The following CSPP1 variants were observed in gnomAD, a reference collection of about 807,000 sequenced individuals.
CSPP1 encodes centrosome and spindle pole-associated protein 1.
In CSPP1, 126 loss-of-function variants were observed where a neutral mutation model predicts 164.4. The observed-to-expected ratio is 0.77, with a 90% CI of 0.66 to 0.89. CSPP1 has a LOEUF of 0.89. Among genes scored for constraint, CSPP1 ranks in the 40% least tolerant of loss-of-function variants. The probability of loss-of-function intolerance (pLI) is 0.00; values close to 1 mark genes in which losing one functional copy is unlikely to be tolerated. For missense variants in CSPP1, 1,395 were observed against 1,449.8 expected (o/e 0.96, Z 0.61); for synonymous variants, 472 against 476.7 (o/e 0.99, Z 0.13).
rs374330054 is a variant in CSPP1 at position 67,105,925 on chromosome 8, C to A, written c.1043C>A (p.Ser348Tyr). The change falls in exon 9 of 31, where the codon TCC (serine) becomes TAC (tyrosine). Residue 348 changes from serine (S) to tyrosine (Y), a missense_variant. Transcript: ENST00000678616. ...ENKSAPDNET[S>Y]KSANQDTCSP... is the part of the protein sequence containing the mutation. ...TTTAGTGCTCCAGACAATGAAACAT[C>A]CAAATCTGCTAATCAAGATACCTGT... The A allele has an allele frequency of 1.3e-4, 199 of 1,586,490 alleles. No individual in the cohort carries two copies. The highest frequency in any genetic ancestry group is 3.3e-4 in the Middle Eastern group (2 of 6,006).
At chr8:67,116,362 A>G (rs1817932374) in intron 13 of CSPP1, among the ~76,000 whole-genome samples, 1 of 152,098 alleles carries the variant, frequency 6.6e-6, no homozygotes, top group Non-Finnish European at 1.5e-5. Flanking sequence ...TACTAAGTAC[A>G]TTTTAGTATT....
At chr8:67,179,041 A>G (rs1166672336) in intron 27 of CSPP1, among the ~76,000 whole-genome samples, 1 of 152,184 alleles carries the variant, frequency 6.6e-6, no homozygotes, top group Non-Finnish European at 1.5e-5. Flanking sequence ...ATTGTAATTC[A>G]TTGCCTTAAA....
chr8:67,118,713 C>T (rs1818405394), intron 14 of CSPP1, 30 bp from the exon 15 acceptor site: 15 of 1,482,214 alleles, frequency 1.0e-5, no homozygotes, highest in African/African-American at 2.8e-5. Context: ...TCTAAATAAA[C>T]TTTTTTTGTT....
intron 15 of CSPP1, among the ~76,000 whole-genome samples, chr8:67,124,010 C>T (rs974436312): frequency 1.3e-5 from 2 of 151,630 alleles, no homozygotes; most frequent in Admixed American, 1.3e-4. Flanking sequence ...TGTCATTCTC[C>T]TGCCTCAGCC....
intron 21 of CSPP1, among the ~76,000 whole-genome samples, chr8:67,159,961 C>CTTTTCTTTTCTT (rs1463911970): frequency 4.1e-4 from 12 of 29,264 alleles, no homozygotes; most frequent in Non-Finnish European, 4.9e-4. Context: ...TTCCTTCTTT[C>CTTTTCTTTTCTT]TTTTCTTTTC....
chr8:67,190,343 A>G (rs905572438), intron 28 of CSPP1, among the ~76,000 whole-genome samples: 1 of 152,234 alleles, frequency 6.6e-6, no homozygotes, highest in Admixed American at 6.5e-5. Flanking sequence ...AATTCCATTT[A>G]TGTTTGGTGT....
At chr8:67,114,053 T>C (rs1817435647) in intron 11 of CSPP1, 191 bp downstream of exon 11, 2 of 436,656 alleles carry the variant, frequency 4.6e-6, no homozygotes, top group Admixed American at 3.8e-5. Context: ...TAATTTTTCC[T>C]TTTTCATTTG....
intron 2 of CSPP1, among the ~76,000 whole-genome samples, chr8:67,075,699 A>G (rs1186056448): frequency 2.0e-5 from 3 of 152,236 alleles, no homozygotes; most frequent in South Asian, 2.1e-4. Context: ...ATAACCTGTC[A>G]TGTACCAGGA....
At chr8:67,065,448 C>T (rs144602517) in intron 1 of CSPP1, 3 of 695,960 alleles carry the variant, frequency 4.3e-6, no homozygotes, top group African/African-American at 3.9e-5. Flanking sequence ...TAAAAGCAAC[C>T]GATAGGAATT....
chr8:67,193,453 T>TCTAA lies in CSPP1; in HGVS notation c.3331-7_3331-4dup, dbSNP rs781266030. On this transcript the variant is annotated splice_polypyrimidine_tract_variant and intron_variant, in intron 29 of 30. Coordinates refer to ENST00000678616, the MANE Select transcript of CSPP1 (RefSeq NM_001382391.1). ...TTAATGACTTTCTGAAGTTCTGTTT[T>TCTAA]CTAACTACAGGATAGCAGTCGTCCT... is the stretch of plus-strand genomic sequence containing the variant. The TCTAA allele has an allele frequency of 6.2e-6, 10 of 1,607,554 alleles. No individual in the cohort carries two copies. Among genetic ancestry groups the TCTAA allele is most frequent in the South Asian group, 4.4e-5 (4 of 90,444 alleles).
chr8:67,079,238 T>A (rs1466123562), intron 3 of CSPP1, among the ~76,000 whole-genome samples: 1 of 152,176 alleles, frequency 6.6e-6, no homozygotes, highest in East Asian at 1.9e-4. Context: ...TATTGCGAAC[T>A]TGACCCATAT....
intron 4 of CSPP1, among the ~76,000 whole-genome samples, chr8:67,088,891 C>T (rs1434697061): frequency 2.8e-5 from 4 of 145,406 alleles, no homozygotes; most frequent in Admixed American, 6.8e-5. Flanking sequence ...AGTGAGAATC[C>T]GTCTCAAAAA....
At chr8:67,145,201 T>A (rs1824284633) in intron 17 of CSPP1, among the ~76,000 whole-genome samples, 2 of 152,190 alleles carry the variant, frequency 1.3e-5, no homozygotes, top group African/African-American at 4.8e-5. Flanking sequence ...GTTATTTGAA[T>A]CATTCAAGGA....
chr8:67,104,966 A>ATTTT (rs1166551719), intron 8 of CSPP1, among the ~76,000 whole-genome samples: 17 of 60,714 alleles, frequency 2.8e-4, no homozygotes, highest in Admixed American at 4.0e-4. Context: ...ATATATATAT[A>ATTTT]TTTTTTTTTT....
At chr8:67,098,457 G>A (rs1486078989) in intron 7 of CSPP1, among the ~76,000 whole-genome samples, 1 of 151,038 alleles carries the variant, frequency 6.6e-6, no homozygotes, top group South Asian at 2.1e-4. Context: ...CTTAAATATG[G>A]GAAAGCTAAA....
rs537557121 is a variant in CSPP1 at position 67,129,452 on chromosome 8, G to T, written c.1698-2499G>T. On this transcript the variant is annotated intron_variant, in intron 15 of 30. Transcript: ENST00000678616. The stretch of plus-strand genomic sequence containing the variant: ...TTACAAAATCAATATACAAAAAGCA[G>T]TTGCAGGAAATGGCAGTTCCTTAAA... Among the ~76,000 whole-genome samples, 330 of 152,178 alleles carry T rather than the reference G, an allele frequency of 2.2e-3. 2 individuals carry two copies. The highest frequency in any genetic ancestry group is 3.7e-3 in the Non-Finnish European group (254 of 68,000).
At chr8:67,163,451 C>T (rs1162956909) in intron 22 of CSPP1, among the ~76,000 whole-genome samples, 1 of 151,954 alleles carries the variant, frequency 6.6e-6, no homozygotes, top group Non-Finnish European at 1.5e-5. Context: ...AGTCAATTAT[C>T]AGATACAGAG....
At chr8:67,191,569 G>A (rs1836261811) in intron 29 of CSPP1, among the ~76,000 whole-genome samples, 1 of 152,160 alleles carries the variant, frequency 6.6e-6, no homozygotes, top group South Asian at 2.1e-4. Context: ...TCTTTCTTTT[G>A]AAGGTCATTC....
intron 7 of CSPP1, among the ~76,000 whole-genome samples, chr8:67,097,692 G>GT (rs199869908): frequency 8.0e-5 from 12 of 149,150 alleles, no homozygotes; most frequent in East Asian, 2.0e-4. Context: ...TTGCTTCTTT[G>GT]TTTTTTTTTA....
Sources: allele counts gnomAD v4.1 joint callset (sites outside exome capture counted in the v4.1 genomes callset), GRCh38; gene constraint gnomAD v4.1.1; transcripts MANE v1.5; gene names NCBI Gene and HGNC (gene_info 2026-07-23, HGNC 2026-07-21).